The following MAST4 variants were observed in gnomAD, a reference collection of about 807,000 sequenced individuals.
MAST4 encodes microtubule-associated serine/threonine-protein kinase 4.
A neutral mutation model predicts 162.7 loss-of-function variants in MAST4; 89 were observed. The ratio of observed to expected loss-of-function variants is 0.55; its 90% CI spans 0.46 to 0.65. The LOEUF is 0.65. Ranked by LOEUF, MAST4 falls within the 30% of genes least tolerant of loss-of-function variation. The pLI, the probability that MAST4 is intolerant of heterozygous loss-of-function variation, is 0.00. For missense variants in MAST4, 3,153 were observed against 3,374.0 expected (o/e 0.93, Z 1.62); for synonymous variants, 1,479 against 1,361.1 (o/e 1.09, Z -1.91).
intron 5 of MAST4, among the ~76,000 whole-genome samples, chr5:67,077,457 A>G (rs990318431): frequency 1.3e-5 from 2 of 152,276 alleles, no homozygotes; most frequent in South Asian, 4.1e-4. Context: ...TACTTGATAA[A>G]AGTAAGGGCC....
chr5:66,700,800 T>TACACACACACAC (rs10522165), intron 1 of MAST4, among the ~76,000 whole-genome samples: 11 of 91,138 alleles, frequency 1.2e-4, no homozygotes, highest in African/African-American at 4.1e-4. Context: ...TATATATATA[T>TACACACACACAC]ACACACACAC....
intron 5 of MAST4, 96 bp from the exon 6 acceptor site, chr5:67,090,066 G>A: frequency 1.1e-6 from 1 of 903,622 alleles, no homozygotes; most frequent in Admixed American, 2.1e-5. Context: ...ACATTCTACA[G>A]AAATGTAAAT....
intron 1 of MAST4, among the ~76,000 whole-genome samples, chr5:66,621,854 G>A (rs182445862): frequency 7.2e-5 from 11 of 152,294 alleles, no homozygotes; most frequent in Admixed American, 3.9e-4. Context: ...GTTGACAGTC[G>A]TCTTCTATAG....
chr5:67,145,427 GTC>G, intron 23 of MAST4, 48 bp downstream of exon 23: 1 of 1,532,520 alleles, frequency 6.5e-7, no homozygotes, highest in East Asian at 2.3e-5. Flanking sequence ...CACACTAAGT[GTC>G]TCCTAGTGCT....
chr5:67,062,161 G>T (rs1235400571), intron 5 of MAST4, among the ~76,000 whole-genome samples: 1 of 152,190 alleles, frequency 6.6e-6, no homozygotes, highest in African/African-American at 2.4e-5. Flanking sequence ...AAGCACTTTG[G>T]GAGGCTGAGG....
At chr5:66,985,125 A>T (rs1406278002) in intron 4 of MAST4, among the ~76,000 whole-genome samples, 2 of 152,134 alleles carry the variant, frequency 1.3e-5, no homozygotes. Flanking sequence ...GAGGATCTGG[A>T]GGAGGCATGA....
chr5:66,734,293 A>T (rs967547978), intron 1 of MAST4, among the ~76,000 whole-genome samples: 1 of 152,178 alleles, frequency 6.6e-6, no homozygotes, highest in Non-Finnish European at 1.5e-5. Context: ...AATAGATATT[A>T]GGAACTTGGT....
At chr5:66,792,842 T>C (rs1397863175) in intron 3 of MAST4, among the ~76,000 whole-genome samples, 1 of 152,192 alleles carries the variant, frequency 6.6e-6, no homozygotes, top group Non-Finnish European at 1.5e-5. Context: ...TTTTGATTCA[T>C]TGACTAAGTT....
At position 67,114,128 on chromosome 5, in the gene MAST4, A is replaced by G; in HGVS notation, c.1500A>G (p.Ala500=). 6.2e-7 allele frequency: 1 copy of G among 1,613,890 alleles called. No individual in the cohort carries two copies. Among genetic ancestry groups the G allele is most frequent in the Non-Finnish European group, 8.5e-7 (1 of 1,179,850 alleles). The change falls in exon 12 of 29, where the codon GCA becomes GCG. Residue 500 remains alanine (A), a synonymous_variant. Transcript: ENST00000403625. ...PEEFYYLLEA[A]EGHAKEGQGI... is the part of the protein sequence containing the mutation. ...AATTTTACTACCTATTGGAAGCAGCAGAAGGCCATGCCAAAGAAGGACAGG... is the reference window on the plus strand; with the variant it reads ...AATTTTACTACCTATTGGAAGCAGCGGAAGGCCATGCCAAAGAAGGACAGG...
intron 1 of MAST4, among the ~76,000 whole-genome samples, chr5:66,667,824 A>G (rs1311377039): frequency 1.3e-5 from 2 of 152,224 alleles, no homozygotes; most frequent in African/African-American, 4.8e-5. Context: ...TGGTGAAGAA[A>G]TCTGGTATTC....
At chr5:66,618,879 A>T (rs1162518926) in intron 1 of MAST4, among the ~76,000 whole-genome samples, 1 of 152,188 alleles carries the variant, frequency 6.6e-6, no homozygotes, top group Non-Finnish European at 1.5e-5. Context: ...ACAGAGAAGG[A>T]TGCCTGCCTC....
chr5:66,933,148 T>C (rs1479529100), intron 4 of MAST4, among the ~76,000 whole-genome samples: 2 of 152,194 alleles, frequency 1.3e-5, no homozygotes, highest in East Asian at 1.9e-4. Flanking sequence ...TCTGTTCATA[T>C]CTCTTTAACT....
At chr5:66,604,495 CAT>C (rs773245806) in intron 1 of MAST4, among the ~76,000 whole-genome samples, 7 of 152,168 alleles carry the variant, frequency 4.6e-5, no homozygotes, top group African/African-American at 1.4e-4. Flanking sequence ...TATAGGCTAT[CAT>C]GTGGAAAATG....
chr5:66,780,044 G>T (rs78139179), intron 2 of MAST4, among the ~76,000 whole-genome samples: 5,551 of 152,164 alleles, frequency 0.036, 130 homozygotes, highest in Middle Eastern at 0.065. Flanking sequence ...GCAAGGGATT[G>T]GGGGGCAGGC....
At chr5:66,648,143 T>C (rs1561236600) in intron 1 of MAST4, among the ~76,000 whole-genome samples, 1 of 150,534 alleles carries the variant, frequency 6.6e-6, no homozygotes, top group African/African-American at 2.5e-5. Flanking sequence ...TTTGTGGCAA[T>C]GTGGTAATTT....
At chr5:66,700,693 A>G (rs1281256263) in intron 1 of MAST4, among the ~76,000 whole-genome samples, 1 of 151,372 alleles carries the variant, frequency 6.6e-6, no homozygotes, top group African/African-American at 2.4e-5. Flanking sequence ...TCTCTCAAAC[A>G]AAAAAAACAA....
chr5:67,165,514 A>G lies in MAST4; in HGVS notation c.6335A>G (p.Gln2112Arg). The G allele has an allele frequency of 1.9e-6, 3 of 1,613,982 alleles. No individual in the cohort carries two copies. Among genetic ancestry groups the G allele is most frequent in the Non-Finnish European group, 2.5e-6 (3 of 1,179,886 alleles). The change falls in exon 29 of 29, where the codon CAG (glutamine) becomes CGG (arginine). Residue 2112 changes from glutamine (Q) to arginine (R), a missense_variant. Coordinates refer to ENST00000403625, the MANE Select transcript of MAST4 (RefSeq NM_001164664.2). Reference protein sequence around the residue: ...SEKLSSFPSLQKDGAKEPERK... With the variant: ...SEKLSSFPSLRKDGAKEPERK... ...AAGCTCTCCAGTTTCCCATCTTTGC[A>G]GAAAGATGGTGCCAAGGAACCTGAA...
chr5:66,609,893 A>G (rs1419531478), intron 1 of MAST4, among the ~76,000 whole-genome samples: 7 of 151,996 alleles, frequency 4.6e-5, no homozygotes, highest in African/African-American at 7.2e-5. Context: ...ATCTTGGCAT[A>G]TATCTGTGCT....
intron 3 of MAST4, among the ~76,000 whole-genome samples, chr5:66,856,186 T>G (rs1759670662): frequency 6.6e-6 from 1 of 151,902 alleles, no homozygotes. Context: ...GAGAGAGAGA[T>G]AGGACACTCT....
Sources: gnomAD v4.1 joint callset for allele counts (sites outside exome capture counted in the v4.1 genomes callset) on GRCh38, gnomAD v4.1.1 for gene constraint, MANE v1.5 for transcripts, NCBI Gene and HGNC (gene_info 2026-07-23, HGNC 2026-07-21) for gene names.